SGCZ: variants seen among roughly 807,000 people sequenced by gnomAD.
The protein encoded by SGCZ is sarcoglycan zeta.
A neutral mutation model predicts 41.3 loss-of-function variants in SGCZ; 40 were observed. That is an observed-to-expected ratio of 0.97 (90% CI 0.75 to 1.26). The LOEUF (loss-of-function observed/expected upper bound fraction) is 1.26, where lower values mean the gene tolerates loss of function less well. SGCZ is among the 50% of genes most tolerant of loss of function. The pLI is 0.00. For synonymous variants in SGCZ, 206 were observed against 137.5 expected (o/e 1.50, Z -3.49); for missense variants, 552 against 369.8 (o/e 1.49, Z -4.04).
chr8:14,602,174 G>C (rs898845919), intron 1 of SGCZ, among the ~76,000 whole-genome samples: 1 of 151,954 alleles, frequency 6.6e-6, no homozygotes, highest in Non-Finnish European at 1.5e-5. Context: ...GTGGATATAT[G>C]GTAATTTTTC....
In SGCZ at chr8:14,694,488, T is replaced by C. The variant is rs1252072844; in HGVS notation, c.40-139562A>G. ...AGTCCTTCAGGGCTTGCTCACCCCT[T>C]AGTCCGAATAAATATAGGTCTTTGG... On this transcript the variant is annotated intron_variant, in intron 1 of 7. Transcript: ENST00000382080. Among the ~76,000 whole-genome samples the C allele has an allele frequency of 2.6e-4, 39 of 152,310 alleles. 1 individual carries two copies. Among genetic ancestry groups the C allele is most frequent in the Admixed American group, 2.5e-3 (38 of 15,302 alleles).
chr8:15,213,095 G>T (rs181962917), intron 1 of SGCZ, among the ~76,000 whole-genome samples: 23 of 152,074 alleles, frequency 1.5e-4, no homozygotes, highest in Admixed American at 1.4e-3. Flanking sequence ...AAAGGGGAAG[G>T]TTGGAAAACA....
intron 4 of SGCZ, among the ~76,000 whole-genome samples, chr8:14,167,721 C>T (rs1009509113): frequency 1.3e-5 from 2 of 152,168 alleles, no homozygotes; most frequent in African/African-American, 4.8e-5. Context: ...CAAACCACCA[C>T]CATCACCAAG....
intron 1 of SGCZ, among the ~76,000 whole-genome samples, chr8:14,641,346 T>C (rs553864015): frequency 6.3e-4 from 95 of 151,880 alleles, no homozygotes; most frequent in Non-Finnish European, 8.7e-4. Flanking sequence ...TTCAAGCTGC[T>C]TCTCATACAG....
rs145532664 is a variant in SGCZ, at chr8:14,517,792, CT to C, written c.234+36939del. 9.6e-3 allele frequency among the ~76,000 whole-genome samples: 1,453 copies of C among 151,436 alleles called. 27 individuals are homozygous for C. The highest frequency in any genetic ancestry group is 0.034 in the African/African-American group (1,398 of 41,392). The stretch of plus-strand genomic sequence containing the variant: ...CTCTTCATGATATAATTTTTGATAG[CT>C]TTTTTTGAAAAGTCATGATTTCCAT... On this transcript the variant is annotated intron_variant, in intron 2 of 7. Coordinates refer to ENST00000382080, the MANE Select transcript of SGCZ (RefSeq NM_139167.4).
chr8:14,565,224 T>G (rs1436351106), intron 1 of SGCZ, among the ~76,000 whole-genome samples: 3 of 152,150 alleles, frequency 2.0e-5, no homozygotes, highest in Non-Finnish European at 4.4e-5. Flanking sequence ...TCATTCTTAG[T>G]TTTCTTTACA....
At chr8:14,987,968 G>T (rs1201808124) in intron 1 of SGCZ, among the ~76,000 whole-genome samples, 2 of 151,854 alleles carry the variant, frequency 1.3e-5, no homozygotes, top group East Asian at 3.9e-4. Flanking sequence ...AACACAGAGT[G>T]AATTTAATTA....
rs780549282 is a variant in SGCZ at position 14,086,288 on chromosome 8, G to A, written c.*4155C>T. 4.0e-5 allele frequency among the ~76,000 whole-genome samples: 6 copies of A among 151,604 alleles called. No individual in the cohort carries two copies. The highest frequency in any genetic ancestry group is 7.4e-5 in the Non-Finnish European group (5 of 67,728). On this transcript the variant is annotated 3_prime_UTR_variant, in exon 8 of 8. Transcript: ENST00000382080. ...TTTAATAATTTAACATTATTATGTT[G>A]ACATTCTCTGCTATGAAATATAACA...
At chr8:14,650,350 T>C (rs1301862548) in intron 1 of SGCZ, among the ~76,000 whole-genome samples, 1 of 152,038 alleles carries the variant, frequency 6.6e-6, no homozygotes, top group Non-Finnish European at 1.5e-5. Context: ...ATGATGTTTT[T>C]TAAAAAACTT....
intron 1 of SGCZ, among the ~76,000 whole-genome samples, chr8:14,583,426 T>C (rs945667997): frequency 6.2e-4 from 94 of 152,290 alleles, no homozygotes; most frequent in African/African-American, 2.2e-3. Context: ...GATGAGTAGG[T>C]TGCGAAACTT....
At chr8:14,684,554 A>T (rs1808547596) in intron 1 of SGCZ, among the ~76,000 whole-genome samples, 1 of 152,212 alleles carries the variant, frequency 6.6e-6, no homozygotes, top group South Asian at 2.1e-4. Flanking sequence ...TTCATACTGT[A>T]AACATGTTGT....
chr8:15,049,856 C>G (rs1055932282), intron 1 of SGCZ, among the ~76,000 whole-genome samples: 3 of 152,130 alleles, frequency 2.0e-5, no homozygotes, highest in Non-Finnish European at 4.4e-5. Flanking sequence ...AGTTCTCCTG[C>G]ACAAGCTGTC....
chr8:14,900,837 G>A (rs1798946944), intron 1 of SGCZ, among the ~76,000 whole-genome samples: 1 of 152,032 alleles, frequency 6.6e-6, no homozygotes, highest in East Asian at 1.9e-4. Context: ...TTAAAAACAG[G>A]CATTTCCCAT....
At chr8:14,563,080 G>A (rs1228848913) in intron 1 of SGCZ, among the ~76,000 whole-genome samples, 2 of 152,190 alleles carry the variant, frequency 1.3e-5, no homozygotes, top group African/African-American at 2.4e-5. Context: ...GAAGATAGCT[G>A]TGCTATGGCT....
chr8:14,955,758 T>C (rs1423479893), intron 1 of SGCZ, among the ~76,000 whole-genome samples: 2 of 152,198 alleles, frequency 1.3e-5, no homozygotes. Context: ...ATTTTGGATA[T>C]AATCCAAATA....
intron 3 of SGCZ, among the ~76,000 whole-genome samples, chr8:14,316,238 G>A (rs1399871086): frequency 6.6e-6 from 1 of 151,648 alleles, no homozygotes; most frequent in Non-Finnish European, 1.5e-5. Flanking sequence ...GAAATATAGG[G>A]AGAAAAAACC....
rs1193232986 is a variant in SGCZ, at chr8:14,745,837, T to C, written c.40-190911A>G. Among the ~76,000 whole-genome samples, 4 of 152,184 alleles carry C rather than the reference T, an allele frequency of 2.6e-5. No individual in the cohort carries two copies. In the East Asian group the frequency reaches 7.8e-4, roughly 30 times the overall value. On this transcript the variant is annotated intron_variant, in intron 1 of 7. Coordinates refer to ENST00000382080, the MANE Select transcript of SGCZ (RefSeq NM_139167.4). Reference sequence around the variant, plus strand: ...AAGTAGGGAATTTAGTATATTATTTTTATATAACAAATTTAGTCTTTCACA... The same window carrying C: ...AAGTAGGGAATTTAGTATATTATTTCTATATAACAAATTTAGTCTTTCACA...
At chr8:14,218,540 G>C (rs1806079815) in intron 4 of SGCZ, among the ~76,000 whole-genome samples, 1 of 152,176 alleles carries the variant, frequency 6.6e-6, no homozygotes, top group Admixed American at 6.5e-5. Context: ...AGTAATTGCA[G>C]TTTTGCATTG....
chr8:14,476,177 G>C (rs117564564), intron 2 of SGCZ, among the ~76,000 whole-genome samples: 492 of 152,232 alleles, frequency 3.2e-3, no homozygotes, highest in Middle Eastern at 6.8e-3. Flanking sequence ...GAGTTTTTGT[G>C]AGAGTGTTTC....
Sources: gnomAD v4.1 joint callset for allele counts (sites outside exome capture counted in the v4.1 genomes callset) on GRCh38, gnomAD v4.1.1 for gene constraint, MANE v1.5 for transcripts, NCBI Gene and HGNC (gene_info 2026-07-23, HGNC 2026-07-21) for gene names.